The following CACNA1A variants were observed in gnomAD, a reference collection of about 807,000 sequenced individuals.
CACNA1A encodes the protein calcium voltage-gated channel subunit alpha1 A, also known as voltage-dependent P/Q-type calcium channel subunit alpha-1A.
Under a neutral mutation model 262.4 loss-of-function variants are expected in CACNA1A, and 57 were observed. The observed-to-expected ratio is 0.22, with a 90% CI of 0.18 to 0.27. The LOEUF (loss-of-function observed/expected upper bound fraction) is 0.27, where lower values mean the gene tolerates loss of function less well. CACNA1A is among the 10% of genes least tolerant of loss of function. CACNA1A has a pLI of 1.00. For synonymous variants in CACNA1A, 1,431 were observed against 1,419.3 expected, an observed-to-expected ratio of 1.01 and a Z score of -0.18; for missense variants, 2,526 against 3,562.8, an observed-to-expected ratio of 0.71 and a Z score of 7.41.
At chr19:13,315,575 C>T (rs1163260154) in intron 11 of CACNA1A, 2 of 152,076 alleles carry the variant, frequency 1.3e-5, no homozygotes, top group Non-Finnish European at 2.9e-5. Flanking sequence ...AGTTAAAACA[C>T]GAAGTAGAGT....
At chr19:13,408,093 G>A (rs1352207366) in intron 3 of CACNA1A, among the ~76,000 whole-genome samples, 3 of 152,162 alleles carry the variant, frequency 2.0e-5, no homozygotes, top group East Asian at 1.9e-4. Context: ...CTGTGGAGCC[G>A]TGAGTCAATT....
intron 19 of CACNA1A, among the ~76,000 whole-genome samples, chr19:13,291,869 C>G (rs2057547027): frequency 6.6e-6 from 1 of 152,018 alleles, no homozygotes; most frequent in Admixed American, 6.6e-5. Context: ...AAGTAATTAA[C>G]CACTCCCTAC....
At chr19:13,254,145 C>T (rs1227389728) in intron 29 of CACNA1A, among the ~76,000 whole-genome samples, 1 of 152,206 alleles carries the variant, frequency 6.6e-6, no homozygotes, top group Non-Finnish European at 1.5e-5. Context: ...CTCTTATTAT[C>T]ATTCCCATTT....
intron 1 of CACNA1A, among the ~76,000 whole-genome samples, chr19:13,473,806 CCTT>C (rs1978301178): frequency 6.6e-6 from 1 of 151,410 alleles, no homozygotes; most frequent in Non-Finnish European, 1.5e-5. Flanking sequence ...ATCCACCTCT[CCTT>C]CATTTCTCTT....
chr19:13,328,753 C>A (rs534894185), intron 10 of CACNA1A, among the ~76,000 whole-genome samples: 35 of 152,108 alleles, frequency 2.3e-4, no homozygotes, highest in African/African-American at 8.4e-4. Flanking sequence ...ATCCACCCTA[C>A]GAGATATGTG....
At chr19:13,267,476 CAGTTACCAAAGGTGAA>C (rs1324766895) in intron 24 of CACNA1A, among the ~76,000 whole-genome samples, 2 of 152,284 alleles carry the variant, frequency 1.3e-5, no homozygotes, top group Admixed American at 1.3e-4. Flanking sequence ...GCAAAGCTGT[CAGTTACCAAAGGTGAA>C]TTCACCACGG....
rs1309338929 is a variant in CACNA1A at position 13,299,009 on chromosome 19, G to T, written c.2624C>A (p.Ala875Glu). The change falls in exon 19 of 47, where the codon GCG (alanine) becomes GAG (glutamate). Residue 875 changes from alanine (A) to glutamate (E), a missense_variant. Ala to Glu is a moderately radical substitution (Grantham distance 107, BLOSUM62 -1). Around this residue, in one of 17 missense-constraint regions of CACNA1A, gnomAD observed 765 missense variants for 748.6 expected, o/e 1.02. Transcript: ENST00000360228. ...HDRARDPSGS[A>E]GLDARRPWAG... The stretch of plus-strand genomic sequence containing the variant: ...CCAGGGCCTCCGTGCGTCCAGGCCC[G>T]CCGAGCCGCTGGGGTCCCGGGCCCG... 6.3e-7 allele frequency: 1 copy of T among 1,582,816 alleles called. No homozygotes were observed. Among genetic ancestry groups the T allele is most frequent in the Admixed American group, 1.8e-5 (1 of 56,840 alleles).
intron 9 of CACNA1A, among the ~76,000 whole-genome samples, chr19:13,331,830 G>GTT (rs57738246): frequency 0.55 from 83,941 of 151,420 alleles, 24,718 homozygotes; most frequent in East Asian, 0.96. Flanking sequence ...ATCTGGCTAA[G>GTT]TTTATTTTTT....
At chr19:13,371,539 G>A (rs1450332943) in intron 4 of CACNA1A, 149 bp downstream of exon 4, 1 of 625,830 alleles carries the variant, frequency 1.6e-6, no homozygotes, top group East Asian at 2.8e-5. Context: ...ATATTCCTAG[G>A]GGGTTCCCTA....
chr19:13,221,999 C>T (rs1265364220), intron 38 of CACNA1A, among the ~76,000 whole-genome samples: 3 of 152,066 alleles, frequency 2.0e-5, no homozygotes, highest in Non-Finnish European at 2.9e-5. Flanking sequence ...CTCTGCCTCC[C>T]GGGTTCAAGT....
rs1420179759 is a variant in CACNA1A at position 13,450,458 on chromosome 19, TC to T, written c.539+2417del. 5 of 152,194 alleles carry T rather than the reference TC, an allele frequency of 3.3e-5. No homozygotes were observed. In the East Asian group the frequency reaches 9.7e-4, roughly 29 times the overall value. 9.4% of individuals were successfully genotyped at this position (152,194 alleles called of 1,614,324 possible). On this transcript the variant is annotated intron_variant, in intron 3 of 46. Coordinates refer to ENST00000360228, the MANE Select transcript of CACNA1A (RefSeq NM_001127222.2). Reference sequence around the variant, plus strand: ...TCACCCCTGCCTGCCACACATCCCATCCCTCCCCTGCTTTATTTTTCCTCTG... The same window carrying T: ...TCACCCCTGCCTGCCACACATCCCATCCTCCCCTGCTTTATTTTTCCTCTG...
At chr19:13,404,789 T>C (rs1466604503) in intron 3 of CACNA1A, among the ~76,000 whole-genome samples, 1 of 152,086 alleles carries the variant, frequency 6.6e-6, no homozygotes, top group Non-Finnish European at 1.5e-5. Context: ...GAACCATCCC[T>C]GAGGGGAAAG....
In CACNA1A at chr19:13,257,386, G is replaced by A. The variant is rs1443206887; in HGVS notation, c.4554C>T (p.Asp1518=). Residue 1518 remains aspartate (D), a synonymous_variant, in exon 28 of 47, where the codon GAC becomes GAT. Coordinates refer to ENST00000360228, the MANE Select transcript of CACNA1A (RefSeq NM_001127222.2). ...CCAGGCTGTATTCCTCCATCATCTT[G>A]TCCCCTTGCTCCTGGAAGGTGATGA... is the stretch of plus-strand genomic sequence containing the variant. ...LIIITFQEQG[D]KMMEEYSLEK... The A allele has an allele frequency of 1.2e-6, 2 of 1,613,952 alleles. No homozygotes were observed.
At position 13,309,520 on chromosome 19, in the gene CACNA1A, C is replaced by T. The variant is rs1425486959; in HGVS notation, c.1669-992G>A. On this transcript the variant is annotated intron_variant, in intron 12 of 46. Transcript: ENST00000360228. ...CCAGCCTGGGTAACACAGGGAAACCCTGACTTTACAAAAAAAAAAAAAATT... is the reference window on the plus strand; with the variant it reads ...CCAGCCTGGGTAACACAGGGAAACCTTGACTTTACAAAAAAAAAAAAAATT... 2.1e-5 allele frequency among the ~76,000 whole-genome samples: 3 copies of T among 145,024 alleles called. No homozygotes were observed. In the Admixed American group the frequency reaches 2.1e-4, roughly 10 times the overall value.
chr19:13,232,141 A>G (rs1235849950), intron 34 of CACNA1A, among the ~76,000 whole-genome samples: 1 of 151,468 alleles, frequency 6.6e-6, no homozygotes, highest in Non-Finnish European at 1.5e-5. Flanking sequence ...GGACACTGAT[A>G]TGTTTTTTTC....
chr19:13,310,473 A>ATAT (rs2058001154), intron 12 of CACNA1A, among the ~76,000 whole-genome samples: 5 of 42,416 alleles, frequency 1.2e-4, no homozygotes, highest in African/African-American at 3.9e-4. Context: ...AAAAAAAAAA[A>ATAT]AAAAAAAAAA....
At chr19:13,431,641 AATGG>A (rs1568637805) in intron 3 of CACNA1A, among the ~76,000 whole-genome samples, 1 of 152,132 alleles carries the variant, frequency 6.6e-6, no homozygotes, top group African/African-American at 2.4e-5. Flanking sequence ...TCAGTAAAGG[AATGG>A]ATGAAGAAAA....
At chr19:13,347,683 C>A (rs145493086) in intron 6 of CACNA1A, among the ~76,000 whole-genome samples, 1 of 152,334 alleles carries the variant, frequency 6.6e-6, no homozygotes, top group Non-Finnish European at 1.5e-5. Context: ...TTTATCCCAA[C>A]TGATCACTGG....
rs1417307726 is a variant in CACNA1A, at chr19:13,497,518, AAAAATATATATATATATATATATAT to A, written c.293+8389_293+8413del. 2.4e-3 allele frequency among the ~76,000 whole-genome samples: 52 copies of A among 22,006 alleles called. 5 individuals are homozygous for A. Among genetic ancestry groups the A allele is most frequent in the African/African-American group, 5.3e-3 (27 of 5,080 alleles). The allele number at this position is 22,006 out of a possible 152,430, so 14.4% of individuals were successfully genotyped here. On this transcript the variant is annotated intron_variant, in intron 1 of 46. Coordinates refer to ENST00000360228, the MANE Select transcript of CACNA1A (RefSeq NM_001127222.2). ...AAAAAAAAAAAAAAAAAAAAAAAAA[AAAAATATATATATATATATATATAT>A]ATATATATATATATATATATATATA...
Sources: allele counts gnomAD v4.1 joint callset (sites outside exome capture counted in the v4.1 genomes callset), GRCh38; gene constraint gnomAD v4.1.1; regional missense constraint gnomAD v4.1.1; transcripts MANE v1.5; gene names NCBI Gene and HGNC (gene_info 2026-07-23, HGNC 2026-07-21).